The following RAB3IP variants were observed in gnomAD, a reference collection of about 807,000 sequenced individuals.
The protein encoded by RAB3IP is rab-3A-interacting protein.
Under a neutral mutation model 59.1 loss-of-function variants are expected in RAB3IP, and 36 were observed. That is an observed-to-expected ratio of 0.61 (90% confidence interval 0.47 to 0.80). The LOEUF (loss-of-function observed/expected upper bound fraction) is 0.80. Among genes scored for constraint, RAB3IP ranks in the 30% least tolerant of loss-of-function variants. The probability of loss-of-function intolerance (pLI) is 0.00; values close to 1 mark genes in which losing one functional copy is unlikely to be tolerated. For missense variants in RAB3IP, 511 were observed against 536.0 expected, an observed-to-expected ratio of 0.95 and a Z score of 0.46; for synonymous variants, 207 against 191.2, an observed-to-expected ratio of 1.08 and a Z score of -0.68.
intron 3 of RAB3IP, among the ~76,000 whole-genome samples, chr12:69,773,456 A>G (rs1592522356): frequency 9.7e-6 from 1 of 103,302 alleles, no homozygotes. Flanking sequence ...ACATGTGCAC[A>G]TTGTGCAGGT....
intron 1 of RAB3IP, among the ~76,000 whole-genome samples, chr12:69,743,847 T>G (rs537006104): frequency 8.5e-6 from 1 of 117,234 alleles, no homozygotes; most frequent in African/African-American, 3.7e-5. Context: ...TTGCTATTCA[T>G]TCCTTCTCTA....
intron 8 of RAB3IP, among the ~76,000 whole-genome samples, chr12:69,802,330 G>T (rs1307523515): frequency 6.6e-6 from 1 of 151,972 alleles, no homozygotes; most frequent in African/African-American, 2.4e-5. Flanking sequence ...TGTTTATAAA[G>T]GATTCTCACT....
At chr12:69,810,003 T>A (rs1020998425) in intron 8 of RAB3IP, among the ~76,000 whole-genome samples, 11 of 152,226 alleles carry the variant, frequency 7.2e-5, no homozygotes, top group Non-Finnish European at 1.2e-4. Context: ...GTTTTTCTGC[T>A]CTGTTTTTTC....
At chr12:69,762,673 C>T (rs953990922) in intron 3 of RAB3IP, among the ~76,000 whole-genome samples, 34 of 131,664 alleles carry the variant, frequency 2.6e-4, no homozygotes, top group Admixed American at 7.3e-4. Flanking sequence ...AGGAGACTGG[C>T]GTGAACCCAG....
chr12:69,759,387 C>T (rs991857676), intron 3 of RAB3IP, among the ~76,000 whole-genome samples: 14 of 152,184 alleles, frequency 9.2e-5, no homozygotes. Flanking sequence ...CTACTTCTTT[C>T]TACACAGACA....
chr12:69,779,910 A>G (rs1874379907), intron 3 of RAB3IP, among the ~76,000 whole-genome samples: 2 of 152,114 alleles, frequency 1.3e-5, no homozygotes, highest in South Asian at 2.1e-4. Flanking sequence ...GTGGATGTAC[A>G]CTGATGTCTG....
chr12:69,795,365 C>T (rs765171757), intron 6 of RAB3IP, 21 bp downstream of exon 6: 2 of 1,578,534 alleles, frequency 1.3e-6, no homozygotes, highest in Non-Finnish European at 1.7e-6. Context: ...AAGGACTGTC[C>T]CCTCTGACTC....
Position 69,815,477 on chromosome 12 carries a change from C to T in RAB3IP, c.*31C>T, listed in dbSNP as rs756411319. ...TGCGTGGGACCATGCCTGAACTCCC[C>T]GAATAACTGAAAAATGGCTGAATAT... On this transcript the variant is annotated 3_prime_UTR_variant, in exon 11 of 11. Coordinates refer to ENST00000247833, the MANE Select transcript of RAB3IP (RefSeq NM_022456.5). 1.2e-5 allele frequency: 17 copies of T among 1,395,836 alleles called. No homozygotes were observed. The highest frequency in any genetic ancestry group is 9.6e-5 in the South Asian group (8 of 83,440). 86.5% of individuals were successfully genotyped at this position (1,395,836 alleles called of 1,614,324 possible). A position where few individuals can be genotyped will look rare whatever the true frequency, so the allele number is the denominator to read the frequency against.
intron 8 of RAB3IP, among the ~76,000 whole-genome samples, chr12:69,803,682 G>A (rs1375282852): frequency 1.3e-5 from 2 of 151,748 alleles, no homozygotes; most frequent in African/African-American, 2.4e-5. Flanking sequence ...GGTGTGTGAT[G>A]TTCCCCTTCC....
chr12:69,810,183 G>A (rs1880190887), intron 8 of RAB3IP, among the ~76,000 whole-genome samples: 1 of 152,220 alleles, frequency 6.6e-6, no homozygotes, highest in Non-Finnish European at 1.5e-5. Context: ...TGTTTGCCTA[G>A]GTATCAGCAG....
chr12:69,773,249 C>T (rs1336694501), intron 3 of RAB3IP, among the ~76,000 whole-genome samples: 1 of 151,928 alleles, frequency 6.6e-6, no homozygotes, highest in Non-Finnish European at 1.5e-5. Context: ...TCTTTGAGAG[C>T]TTGATTATAA....
In RAB3IP at chr12:69,818,040, C is replaced by T. The variant is rs1451507847; in HGVS notation, c.*2594C>T. ...TGACAATGACATGTTCAAATTCATT[C>T]GATTGGTGAAAATGAAGAAACACAA... is the stretch of plus-strand genomic sequence containing the variant. On this transcript the variant is annotated 3_prime_UTR_variant, in exon 11 of 11. Transcript: ENST00000247833. 1.6e-5 allele frequency: 2 copies of T among 121,760 alleles called. No homozygotes were observed. The highest frequency in any genetic ancestry group is 3.7e-5 in the Non-Finnish European group (2 of 54,330). The allele number at this position is 121,760 out of a possible 1,614,324, so 7.5% of individuals were successfully genotyped here.
At chr12:69,794,583 CTG>C in intron 5 of RAB3IP, 69 bp downstream of exon 5, 1 of 1,249,146 alleles carries the variant, frequency 8.0e-7, no homozygotes, top group Non-Finnish European at 1.1e-6. Context: ...ACCTTAACAT[CTG>C]TTGGATTTTG....
chr12:69,745,490 A>G (rs1048159498), intron 1 of RAB3IP, among the ~76,000 whole-genome samples: 1 of 152,134 alleles, frequency 6.6e-6, no homozygotes, highest in African/African-American at 2.4e-5. Flanking sequence ...GCATAGTAAC[A>G]AAACAGAGGA....
At chr12:69,771,039 G>A (rs191799209) in intron 3 of RAB3IP, among the ~76,000 whole-genome samples, 40 of 152,054 alleles carry the variant, frequency 2.6e-4, no homozygotes, top group African/African-American at 8.9e-4. Flanking sequence ...TTTGATAACC[G>A]CTATTCTCTG....
chr12:69,794,260 C>G lies in RAB3IP; in HGVS notation c.607-177C>G, dbSNP rs1197897938. On this transcript the variant is annotated intron_variant, in intron 4 of 10. Coordinates refer to ENST00000247833, the MANE Select transcript of RAB3IP (RefSeq NM_022456.5). ...AGGTCCTAAAAGAAGGCACCTATTCCTAATGTCTCATAGTTTGTCTCTGTT... is the reference window on the plus strand; with the variant it reads ...AGGTCCTAAAAGAAGGCACCTATTCGTAATGTCTCATAGTTTGTCTCTGTT... Among the ~76,000 whole-genome samples the G allele has an allele frequency of 7.2e-5, 11 of 152,252 alleles. No homozygotes were observed. The East Asian group carries it at 2.1e-3, about 29-fold the overall frequency.
At chr12:69,750,224 A>C (rs73332025) in intron 1 of RAB3IP, among the ~76,000 whole-genome samples, 206 of 152,282 alleles carry the variant, frequency 1.4e-3, no homozygotes, top group African/African-American at 4.7e-3. Flanking sequence ...GGGAGGAGCC[A>C]CCTTAACTTC....
intron 10 of RAB3IP, among the ~76,000 whole-genome samples, chr12:69,814,551 G>A (rs926539213): frequency 2.0e-5 from 3 of 152,146 alleles, no homozygotes; most frequent in Non-Finnish European, 4.4e-5. Flanking sequence ...TTTGTAAGAT[G>A]TTTAATAGCA....
In RAB3IP at chr12:69,819,358, A is replaced by G. The variant is rs1357419938; in HGVS notation, c.*3912A>G. 1 of 142,582 alleles carries G rather than the reference A, an allele frequency of 7.0e-6. No individual in the cohort carries two copies. Among genetic ancestry groups the G allele is most frequent in the Non-Finnish European group, 1.6e-5 (1 of 62,732 alleles). 8.8% of individuals were successfully genotyped at this position (142,582 alleles called of 1,614,324 possible). On this transcript the variant is annotated 3_prime_UTR_variant, in exon 11 of 11. Transcript: ENST00000247833. ...TGGGGAAAGTTTGGGTATGTGCATA[A>G]CAGAGACAGAAATTCAGTGTTTGAC... is the stretch of plus-strand genomic sequence containing the variant.
Sources: allele counts gnomAD v4.1 joint callset (sites outside exome capture counted in the v4.1 genomes callset), GRCh38; gene constraint gnomAD v4.1.1; transcripts MANE v1.5; gene names NCBI Gene and HGNC (gene_info 2026-07-23, HGNC 2026-07-21).